Variants in PHF14 observed in about 807,000 individuals in gnomAD.
The protein encoded by PHF14 is PHD finger protein 14.
PHF14 carries 55 observed loss-of-function variants against 117.9 expected under a neutral mutation model. The ratio of observed to expected loss-of-function variants is 0.47; its 90% CI spans 0.38 to 0.58. The LOEUF (loss-of-function observed/expected upper bound fraction) is 0.58. Among genes scored for constraint, PHF14 ranks in the 20% least tolerant of loss-of-function variants. The pLI is 0.00. For missense variants in PHF14, 978 were observed against 1,122.2 expected (o/e 0.87, Z 1.84); for synonymous variants, 409 against 368.6 (o/e 1.11, Z -1.26).
At chr7:11,078,956 A>T (rs1215866357) in intron 16 of PHF14, among the ~76,000 whole-genome samples, 1 of 152,134 alleles carries the variant, frequency 6.6e-6, no homozygotes, top group Admixed American at 6.5e-5. Context: ...AGCATTTCTC[A>T]TATTTATTAT....
At chr7:11,076,567 CTTTTTTTTT>C (rs71023886) in intron 16 of PHF14, among the ~76,000 whole-genome samples, 2 of 124,756 alleles carry the variant, frequency 1.6e-5, no homozygotes, top group East Asian at 2.3e-4. Context: ...TTTTCTTTTT[CTTTTTTTTT>C]TTTTTTTTTG....
At chr7:11,066,520 CTTCT>C (rs968189814) in intron 16 of PHF14, among the ~76,000 whole-genome samples, 4 of 152,078 alleles carry the variant, frequency 2.6e-5, no homozygotes, top group African/African-American at 9.7e-5. Flanking sequence ...CAAAAACTTT[CTTCT>C]TTGTTTTCTT....
chr7:11,036,228 G>A (rs1159343221), intron 8 of PHF14, among the ~76,000 whole-genome samples, 190 bp from the exon 9 acceptor site: 1 of 152,068 alleles, frequency 6.6e-6, no homozygotes, highest in African/African-American at 2.4e-5. Flanking sequence ...GTTACTAGGG[G>A]CAGATATAGT....
chr7:10,999,363 T>C (rs1320074763), intron 4 of PHF14, among the ~76,000 whole-genome samples: 2 of 152,222 alleles, frequency 1.3e-5, no homozygotes, highest in Admixed American at 6.5e-5. Flanking sequence ...GGGTACTGTC[T>C]CTTGTTGCTG....
At position 11,021,602 on chromosome 7, in the gene PHF14, A is replaced by G. The variant is rs542279831; in HGVS notation, c.1206-1266A>G. Among the ~76,000 whole-genome samples, 8 of 152,266 alleles carry G rather than the reference A, an allele frequency of 5.3e-5. No homozygotes were observed. The East Asian group carries it at 1.2e-3, about 22-fold the overall frequency. ...CAGCCAGCTGTTAGGTTTATCAGAG[A>G]TAAACTCCTACAGAGTATAGCGACA... On this transcript the variant is annotated intron_variant, in intron 5 of 17. Coordinates refer to ENST00000634607, the MANE Select transcript of PHF14 (RefSeq NM_001007157.2).
chr7:11,140,122 C>G (rs931472591), intron 17 of PHF14, among the ~76,000 whole-genome samples: 1 of 152,092 alleles, frequency 6.6e-6, no homozygotes. Context: ...ACACATCCTT[C>G]TATATATAAA....
intron 2 of PHF14, among the ~76,000 whole-genome samples, chr7:10,978,806 T>TG (rs1465611558): frequency 3.9e-5 from 6 of 151,982 alleles, no homozygotes; most frequent in Admixed American, 3.9e-4. Flanking sequence ...AGTTGTCCTC[T>TG]GGGGGAAAAA....
intron 16 of PHF14, among the ~76,000 whole-genome samples, chr7:11,081,674 A>G (rs1249437357): frequency 1.3e-5 from 2 of 150,944 alleles, no homozygotes; most frequent in African/African-American, 4.9e-5. Flanking sequence ...GGCTAACAGG[A>G]TGAAACCCTG....
At chr7:11,133,003 T>C (rs76932908) in intron 17 of PHF14, among the ~76,000 whole-genome samples, 11,198 of 151,792 alleles carry the variant, frequency 0.074, 433 homozygotes, top group Non-Finnish European at 0.091. Flanking sequence ...TCTAACAAAA[T>C]ATACACAAAA....
At chr7:11,143,141 A>T (rs1217285661) in intron 17 of PHF14, among the ~76,000 whole-genome samples, 1 of 152,178 alleles carries the variant, frequency 6.6e-6, no homozygotes, top group Non-Finnish European at 1.5e-5. Flanking sequence ...TCAACAATGG[A>T]AAAACAAAAT....
intron 4 of PHF14, among the ~76,000 whole-genome samples, chr7:11,005,824 C>A (rs539102170): frequency 8.6e-6 from 1 of 116,518 alleles, no homozygotes; most frequent in Non-Finnish European, 1.6e-5. Context: ...GACGGAGTCT[C>A]GTTCTTTCAC....
chr7:11,068,661 A>C (rs1272193447), intron 16 of PHF14, among the ~76,000 whole-genome samples: 1 of 152,194 alleles, frequency 6.6e-6, no homozygotes, highest in African/African-American at 2.4e-5. Flanking sequence ...TGTACACTTA[A>C]AAATGGTTAA....
intron 2 of PHF14, 72 bp downstream of exon 2, chr7:10,975,017 G>T: frequency 1.3e-6 from 1 of 791,862 alleles, no homozygotes. Flanking sequence ...TTTTTAAATC[G>T]GTTTTGATTA....
chr7:11,107,286 C>G, intron 16 of PHF14: 1 of 973,426 alleles, frequency 1.0e-6, no homozygotes, highest in Non-Finnish European at 1.2e-6. Flanking sequence ...ATTTTTTTCC[C>G]TCTTCTTTGT....
intron 17 of PHF14, among the ~76,000 whole-genome samples, chr7:11,140,271 C>G (rs2128350777): frequency 6.6e-6 from 1 of 152,172 alleles, no homozygotes; most frequent in African/African-American, 2.4e-5. Flanking sequence ...GGAAATAAAA[C>G]TTTTTTTATC....
At chr7:11,053,791 T>C (rs1485853204) in intron 14 of PHF14, among the ~76,000 whole-genome samples, 1 of 152,014 alleles carries the variant, frequency 6.6e-6, no homozygotes, top group Admixed American at 6.6e-5. Context: ...TTTCTCACCT[T>C]TACTGGTCTG....
chr7:11,044,194 GAA>G (rs1204458657), intron 13 of PHF14, among the ~76,000 whole-genome samples: 1 of 152,008 alleles, frequency 6.6e-6, no homozygotes, highest in Non-Finnish European at 1.5e-5. Context: ...AGCAAGGTTT[GAA>G]AAACTGTTGG....
intron 3 of PHF14, among the ~76,000 whole-genome samples, chr7:10,985,587 T>TAAC (rs1782190017): frequency 6.7e-6 from 1 of 148,842 alleles, no homozygotes; most frequent in Non-Finnish European, 1.5e-5. Context: ...TTAATGGCCT[T>TAAC]AACAACATGC....
chr7:11,128,308 C>G (rs1283403292), intron 17 of PHF14, among the ~76,000 whole-genome samples: 1 of 152,038 alleles, frequency 6.6e-6, no homozygotes, highest in Non-Finnish European at 1.5e-5. Flanking sequence ...ATGATCTTGT[C>G]TCTTATTTTC....
Sources: gnomAD v4.1 joint callset for allele counts (sites outside exome capture counted in the v4.1 genomes callset) on GRCh38, gnomAD v4.1.1 for gene constraint, MANE v1.5 for transcripts, NCBI Gene and HGNC (gene_info 2026-07-23, HGNC 2026-07-21) for gene names.